The following ADGRB3 variants were observed in gnomAD, a reference collection of about 807,000 sequenced individuals.
ADGRB3 encodes brain-specific angiogenesis inhibitor 3.
A neutral mutation model predicts 193.4 loss-of-function variants in ADGRB3; 37 were observed. The ratio of observed to expected loss-of-function variants is 0.19; its 90% CI spans 0.15 to 0.25. The LOEUF is 0.25. Ranked by LOEUF, ADGRB3 falls within the 10% of genes least tolerant of loss-of-function variation. The pLI is 1.00. For missense variants in ADGRB3, 1,637 were observed against 1,852.9 expected (o/e 0.88, Z 2.14); for synonymous variants, 690 against 644.2 (o/e 1.07, Z -1.08).
intron 3 of ADGRB3, among the ~76,000 whole-genome samples, chr6:68,826,301 A>T (rs1316639132): frequency 6.6e-6 from 1 of 152,212 alleles, no homozygotes. Context: ...TGAAATGGGA[A>T]TTCGAGGAAG....
At chr6:69,272,815 G>A (rs1435600598) in intron 20 of ADGRB3, among the ~76,000 whole-genome samples, 2 of 152,210 alleles carry the variant, frequency 1.3e-5, no homozygotes, top group Admixed American at 1.3e-4. Flanking sequence ...TTCCCTGGCA[G>A]CTAGTCTGAG....
chr6:68,695,686 CA>C lies in ADGRB3; in HGVS notation c.757+56255del, dbSNP rs1765145729. Among the ~76,000 whole-genome samples the C allele has an allele frequency of 3.9e-5, 6 of 152,058 alleles. No homozygotes were observed. In the South Asian group the frequency reaches 1.2e-3, roughly 32 times the overall value. On this transcript the variant is annotated intron_variant, in intron 3 of 31. Transcript: ENST00000370598. ...CTTCTTAACTACTGTTAAGAGTCCA[CA>C]GCGAGTGAGACTTGCAGTCTATTCT...
intron 3 of ADGRB3, among the ~76,000 whole-genome samples, chr6:68,717,637 A>G (rs1256883830): frequency 1.3e-5 from 2 of 151,580 alleles, no homozygotes; most frequent in African/African-American, 2.4e-5. Context: ...ATGTACTTCT[A>G]TTGATTCAAG....
chr6:69,203,101 A>G (rs928642567), intron 17 of ADGRB3, among the ~76,000 whole-genome samples: 6 of 152,186 alleles, frequency 3.9e-5, no homozygotes, highest in Admixed American at 3.9e-4. Flanking sequence ...GTCTGAGAGA[A>G]ACTCAGTTAA....
intron 17 of ADGRB3, among the ~76,000 whole-genome samples, chr6:69,100,926 G>GCA (rs1409201480): frequency 7.9e-5 from 1 of 12,688 alleles, no homozygotes; most frequent in Non-Finnish European, 2.0e-4. Context: ...AGGAAGGAAG[G>GCA]AGGGAGGGAG....
At chr6:68,667,741 T>A (rs1227651049) in intron 3 of ADGRB3, among the ~76,000 whole-genome samples, 2 of 151,388 alleles carry the variant, frequency 1.3e-5, no homozygotes, top group Non-Finnish European at 3.0e-5. Context: ...GATTCAAGAG[T>A]CAGTGAAACA....
At chr6:69,284,150 T>G (rs911983598) in intron 20 of ADGRB3, among the ~76,000 whole-genome samples, 1 of 152,208 alleles carries the variant, frequency 6.6e-6, no homozygotes, top group East Asian at 1.9e-4. Context: ...CAGAGTAGAA[T>G]GGATCATCTA....
At chr6:68,974,652 A>G (rs1768689156) in intron 8 of ADGRB3, 111 bp from the exon 9 acceptor site, 3 of 800,722 alleles carry the variant, frequency 3.7e-6, no homozygotes, top group East Asian at 5.2e-5. Context: ...AAGAAAGAAA[A>G]AAAAAGAAAA....
chr6:69,122,399 A>T (rs896819277), intron 17 of ADGRB3, among the ~76,000 whole-genome samples: 2 of 143,212 alleles, frequency 1.4e-5, no homozygotes, highest in Non-Finnish European at 3.0e-5. Flanking sequence ...CAGCCAGCCA[A>T]GACCACGGCA....
At chr6:68,842,421 A>G (rs910797799) in intron 3 of ADGRB3, among the ~76,000 whole-genome samples, 13 of 151,976 alleles carry the variant, frequency 8.6e-5, no homozygotes, top group Non-Finnish European at 1.5e-4. Flanking sequence ...TGGAAGACCT[A>G]GAAGAAATGA....
At chr6:68,772,894 A>AAAAATATAT (rs1466813173) in intron 3 of ADGRB3, among the ~76,000 whole-genome samples, 6 of 22,878 alleles carry the variant, frequency 2.6e-4, no homozygotes, top group African/African-American at 5.9e-4. Context: ...AAAAAAAAAA[A>AAAAATATAT]ATATATATAT....
At chr6:69,234,421 G>GA (rs148502856) in intron 18 of ADGRB3, among the ~76,000 whole-genome samples, 21,492 of 151,658 alleles carry the variant, frequency 0.14, 1,582 homozygotes, top group Middle Eastern at 0.16. Context: ...TTTGTTCATT[G>GA]AAAAAAAATC....
chr6:68,890,004 G>T (rs1392932575), intron 3 of ADGRB3, among the ~76,000 whole-genome samples: 1 of 151,998 alleles, frequency 6.6e-6, no homozygotes, highest in Non-Finnish European at 1.5e-5. Context: ...AATTAATTTT[G>T]AATTTCAAAA....
In ADGRB3 at chr6:68,959,742, T is replaced by A. The variant is rs181123004; in HGVS notation, c.1525+2933T>A. Among the ~76,000 whole-genome samples the A allele has an allele frequency of 2.0e-3, 302 of 152,224 alleles. 2 individuals are homozygous for A. The highest frequency in any genetic ancestry group is 7.1e-3 in the African/African-American group (293 of 41,550). ...AAAAAATGTATTTCTTTTGTTTTCA[T>A]AAAAAATAATTGTAGAAATAAGAAA... On this transcript the variant is annotated intron_variant, in intron 8 of 31. Transcript: ENST00000370598.
rs549903723 is a variant in ADGRB3 at position 69,288,818 on chromosome 6, G to C, written c.2815-36054G>C. On this transcript the variant is annotated intron_variant, in intron 20 of 31. Transcript: ENST00000370598. ...ACAGTGGAATCTCTCTGTGTGGAATGGTTGAAAAAATGATTTATATCAACT... is the reference window on the plus strand; with the variant it reads ...ACAGTGGAATCTCTCTGTGTGGAATCGTTGAAAAAATGATTTATATCAACT... 1.4e-4 allele frequency among the ~76,000 whole-genome samples: 21 copies of C among 152,194 alleles called. No individual in the cohort carries two copies. The East Asian group carries it at 3.7e-3, about 27-fold the overall frequency.
chr6:68,883,693 G>A (rs1293792975), intron 3 of ADGRB3, among the ~76,000 whole-genome samples: 1 of 152,096 alleles, frequency 6.6e-6, no homozygotes, highest in Non-Finnish European at 1.5e-5. Flanking sequence ...GCGAGACCAC[G>A]AACCCACCAG....
At chr6:69,028,338 T>A (rs1173403785) in intron 13 of ADGRB3, among the ~76,000 whole-genome samples, 4 of 152,190 alleles carry the variant, frequency 2.6e-5, no homozygotes, top group African/African-American at 9.6e-5. Context: ...TCGGTTTTTT[T>A]GTTTGTTTGT....
At chr6:68,991,625 T>C (rs1308859071) in intron 10 of ADGRB3, among the ~76,000 whole-genome samples, 1 of 149,852 alleles carries the variant, frequency 6.7e-6, no homozygotes, top group East Asian at 2.0e-4. Context: ...CTAATGTTAT[T>C]GAGGAAGAGC....
chr6:68,722,537 C>T (rs768512590), intron 3 of ADGRB3, among the ~76,000 whole-genome samples: 17 of 151,078 alleles, frequency 1.1e-4, no homozygotes, highest in East Asian at 3.9e-4. Context: ...ACTTCACTGA[C>T]GCTTAAAAGA....
Sources: gnomAD v4.1 joint callset for allele counts (sites outside exome capture counted in the v4.1 genomes callset) on GRCh38, gnomAD v4.1.1 for gene constraint, MANE v1.5 for transcripts, NCBI Gene and HGNC (gene_info 2026-07-23, HGNC 2026-07-21) for gene names.